RCAN2: variants seen among roughly 807,000 people sequenced by gnomAD.
RCAN2 encodes calcipressin-2.
Under a neutral mutation model 23.6 loss-of-function variants are expected in RCAN2, and 9 were observed. The ratio of observed to expected loss-of-function variants is 0.38; its 90% confidence interval spans 0.23 to 0.67. RCAN2 has a LOEUF of 0.67. RCAN2 is among the 30% of genes least tolerant of loss of function. The pLI, the probability that RCAN2 is intolerant of heterozygous loss-of-function variation, is 0.51. For synonymous variants in RCAN2, 109 were observed against 115.7 expected (o/e 0.94, Z 0.37); for missense variants, 273 against 302.3 (o/e 0.90, Z 0.72).
At chr6:46,444,479 T>A (rs1315928889) in intron 2 of RCAN2, among the ~76,000 whole-genome samples, 2 of 152,132 alleles carry the variant, frequency 1.3e-5, no homozygotes, top group Non-Finnish European at 2.9e-5. Context: ...ACAGCTCTAG[T>A]CATCATGCTG....
At chr6:46,361,264 G>A (rs1765004930) in intron 2 of RCAN2, among the ~76,000 whole-genome samples, 1 of 152,108 alleles carries the variant, frequency 6.6e-6, no homozygotes, top group Non-Finnish European at 1.5e-5. Context: ...AGAAATCAAA[G>A]GGGGAATGAA....
chr6:46,485,133 TC>T (rs775653620), intron 1 of RCAN2, among the ~76,000 whole-genome samples: 106 of 152,162 alleles, frequency 7.0e-4, no homozygotes, highest in Non-Finnish European at 1.1e-3. Flanking sequence ...AAAATTGTGC[TC>T]AAAGATGTTT....
chr6:46,480,869 G>A (rs1389017294), intron 1 of RCAN2, among the ~76,000 whole-genome samples: 2 of 152,110 alleles, frequency 1.3e-5, no homozygotes, highest in South Asian at 2.1e-4. Context: ...TGATACGCCC[G>A]CCTCGGCCTC....
intron 1 of RCAN2, among the ~76,000 whole-genome samples, chr6:46,459,701 G>T (rs1284031129): frequency 6.6e-6 from 1 of 152,194 alleles, no homozygotes; most frequent in African/African-American, 2.4e-5. Flanking sequence ...CTGGAACTCA[G>T]TTTATCCTTG....
intron 2 of RCAN2, among the ~76,000 whole-genome samples, chr6:46,335,816 C>A (rs1764122660): frequency 6.6e-6 from 1 of 152,142 alleles, no homozygotes; most frequent in East Asian, 1.9e-4. Context: ...TATTTATTAA[C>A]TTATGTTATC....
intron 2 of RCAN2, among the ~76,000 whole-genome samples, chr6:46,367,198 G>T (rs928958179): frequency 6.6e-6 from 1 of 151,272 alleles, no homozygotes; most frequent in Non-Finnish European, 1.5e-5. Flanking sequence ...GCTTAAGGGT[G>T]GCTTAAGAAG....
intron 2 of RCAN2, among the ~76,000 whole-genome samples, chr6:46,357,290 T>G (rs191073878): frequency 6.6e-6 from 1 of 152,280 alleles, no homozygotes; most frequent in East Asian, 1.9e-4. Context: ...CAGACAGTAA[T>G]CAGACCCGAT....
At chr6:46,280,685 A>G (rs145902786) in intron 2 of RCAN2, among the ~76,000 whole-genome samples, 2 of 152,332 alleles carry the variant, frequency 1.3e-5, no homozygotes, top group Non-Finnish European at 2.9e-5. Context: ...GTAGCTTTTT[A>G]TGAAATATCA....
intron 2 of RCAN2, among the ~76,000 whole-genome samples, chr6:46,322,627 G>T (rs993047224): frequency 6.6e-6 from 1 of 152,230 alleles, no homozygotes; most frequent in African/African-American, 2.4e-5. Flanking sequence ...ATGGCTGCTT[G>T]CCCATGGGGG....
At chr6:46,408,686 C>T (rs1766474984) in intron 2 of RCAN2, among the ~76,000 whole-genome samples, 1 of 152,110 alleles carries the variant, frequency 6.6e-6, no homozygotes, top group Non-Finnish European at 1.5e-5. Context: ...CTCTATCTGA[C>T]TGAGTTATCC....
intron 4 of RCAN2, among the ~76,000 whole-genome samples, chr6:46,235,878 C>A (rs1766076440): frequency 6.6e-6 from 1 of 152,204 alleles, no homozygotes; most frequent in African/African-American, 2.4e-5. Context: ...CCACCTAAGA[C>A]AACAGTTGGA....
intron 2 of RCAN2, among the ~76,000 whole-genome samples, chr6:46,254,615 G>A (rs945118064): frequency 5.3e-5 from 8 of 152,278 alleles, no homozygotes; most frequent in Admixed American, 4.6e-4. Flanking sequence ...ACGGTCACAA[G>A]CAGATTTTTG....
chr6:46,359,170 C>G (rs1439989319), intron 2 of RCAN2, among the ~76,000 whole-genome samples: 1 of 152,200 alleles, frequency 6.6e-6, no homozygotes, highest in Non-Finnish European at 1.5e-5. Context: ...CCTGAAATCA[C>G]ATTTTGAAAA....
intron 2 of RCAN2, among the ~76,000 whole-genome samples, chr6:46,334,414 C>A (rs1764079143): frequency 6.6e-6 from 1 of 152,140 alleles, no homozygotes; most frequent in African/African-American, 2.4e-5. Context: ...GAATGGAATT[C>A]TTTTGCTTGG....
intron 4 of RCAN2, among the ~76,000 whole-genome samples, chr6:46,236,334 C>A (rs1766094521): frequency 1.3e-5 from 2 of 152,208 alleles, no homozygotes; most frequent in East Asian, 1.9e-4. Context: ...TCTGTCATCA[C>A]TGGCAATTTT....
At chr6:46,454,718 T>C (rs1462788660) in intron 2 of RCAN2, among the ~76,000 whole-genome samples, 1 of 152,216 alleles carries the variant, frequency 6.6e-6, no homozygotes, top group African/African-American at 2.4e-5. Context: ...ATCAAGGTCA[T>C]CCTAAAACCA....
At chr6:46,458,888 C>T (rs534108171) in intron 1 of RCAN2, among the ~76,000 whole-genome samples, 91 of 126,610 alleles carry the variant, frequency 7.2e-4, no homozygotes, top group African/African-American at 2.0e-3. Context: ...CAGGAAAACG[C>T]GCGCGCACGT....
At chr6:46,466,507 G>A (rs1363049808) in intron 1 of RCAN2, among the ~76,000 whole-genome samples, 1 of 149,360 alleles carries the variant, frequency 6.7e-6, no homozygotes, top group Non-Finnish European at 1.5e-5. Context: ...AGGTAATGAA[G>A]AGCTTGGAAT....
chr6:46,269,955 G>A (rs1346175682), intron 2 of RCAN2, among the ~76,000 whole-genome samples: 1 of 152,188 alleles, frequency 6.6e-6, no homozygotes, highest in Admixed American at 6.5e-5. Flanking sequence ...ATGGCCCTGG[G>A]AGGTGATGCC....
Sources: gnomAD v4.1 joint callset for allele counts (sites outside exome capture counted in the v4.1 genomes callset) on GRCh38, gnomAD v4.1.1 for gene constraint, MANE v1.5 for transcripts, NCBI Gene and HGNC (gene_info 2026-07-23, HGNC 2026-07-21) for gene names.